Variants in KCNT2 observed in about 807,000 individuals in gnomAD.
KCNT2 encodes potassium sodium-activated channel subfamily T member 2, also known as potassium channel subfamily T member 2.
In KCNT2, 67 loss-of-function variants were observed where a neutral mutation model predicts 153.8. The observed-to-expected ratio is 0.44, with a 90% CI of 0.36 to 0.53. The LOEUF (loss-of-function observed/expected upper bound fraction) is 0.53. Ranked by LOEUF, KCNT2 falls within the 20% of genes least tolerant of loss-of-function variation. The pLI, the probability that KCNT2 is intolerant of heterozygous loss-of-function variation, is 0.00. For synonymous variants in KCNT2, 500 were observed against 458.8 expected (o/e 1.09, Z -1.15); for missense variants, 975 against 1,354.8 (o/e 0.72, Z 4.40).
intron 8 of KCNT2, among the ~76,000 whole-genome samples, chr1:196,434,436 G>T (rs551212583): frequency 6.6e-6 from 1 of 151,834 alleles, no homozygotes; most frequent in South Asian, 2.1e-4. Context: ...TACCAAAAAA[G>T]TCTCCTACTG....
intron 2 of KCNT2, among the ~76,000 whole-genome samples, chr1:196,491,692 G>C (rs1679873690): frequency 1.3e-5 from 2 of 151,908 alleles, no homozygotes; most frequent in Admixed American, 1.3e-4. Flanking sequence ...GTTCTACTTT[G>C]TTACTTTCTT....
chr1:196,479,248 A>G lies in KCNT2; in HGVS notation c.325-10T>C. 2.0e-6 allele frequency: 3 copies of G among 1,519,216 alleles called. No individual in the cohort carries two copies. The highest frequency in any genetic ancestry group is 2.7e-6 in the Non-Finnish European group (3 of 1,101,460). 94.1% of individuals were successfully genotyped at this position (1,519,216 alleles called of 1,614,324 possible). The stretch of plus-strand genomic sequence containing the variant: ...TCAATGCCACTGAAACCTGAAAGAT[A>G]AATTGTAACTTAATGAGAAAACGCA... On this transcript the variant is annotated splice_polypyrimidine_tract_variant and intron_variant, in intron 4 of 27. Transcript: ENST00000294725.
At chr1:196,463,990 T>C (rs2148657832) in intron 8 of KCNT2, among the ~76,000 whole-genome samples, 1 of 151,986 alleles carries the variant, frequency 6.6e-6, no homozygotes, top group South Asian at 2.1e-4. Flanking sequence ...ACTCCCACAT[T>C]ATATTTAGTA....
intron 13 of KCNT2, among the ~76,000 whole-genome samples, chr1:196,387,164 T>C (rs930696224): frequency 1.3e-5 from 2 of 151,984 alleles, no homozygotes; most frequent in Admixed American, 6.6e-5. Context: ...CACAAACCCA[T>C]CTTCTACCTA....
chr1:196,518,062 C>A (rs1652846501), intron 1 of KCNT2, among the ~76,000 whole-genome samples: 1 of 152,118 alleles, frequency 6.6e-6, no homozygotes. Context: ...TAACAGTGGA[C>A]CTCTCTGCAG....
intron 8 of KCNT2, among the ~76,000 whole-genome samples, chr1:196,451,081 A>G (rs1022062889): frequency 6.6e-6 from 1 of 151,672 alleles, no homozygotes; most frequent in Non-Finnish European, 1.5e-5. Context: ...TATTGTCATT[A>G]TCCCTAAGTT....
chr1:196,516,727 G>A (rs1173484316), intron 1 of KCNT2, among the ~76,000 whole-genome samples: 4 of 152,132 alleles, frequency 2.6e-5, no homozygotes, highest in African/African-American at 4.8e-5. Context: ...CAGTGTGTTC[G>A]GGCTGGCAAC....
At chr1:196,455,081 T>A (rs1261819930) in intron 8 of KCNT2, among the ~76,000 whole-genome samples, 1 of 151,988 alleles carries the variant, frequency 6.6e-6, no homozygotes, top group Admixed American at 6.6e-5. Context: ...AAGCTGGAAA[T>A]GGCTGGTCCT....
At chr1:196,581,940 T>C (rs1444601115) in intron 1 of KCNT2, among the ~76,000 whole-genome samples, 1 of 152,064 alleles carries the variant, frequency 6.6e-6, no homozygotes, top group African/African-American at 2.4e-5. Flanking sequence ...TTCAGGAAAA[T>C]TATGTCTTTC....
At chr1:196,317,350 C>A in intron 20 of KCNT2, 1 of 378,794 alleles carries the variant, frequency 2.6e-6, no homozygotes, top group Admixed American at 2.8e-5. Flanking sequence ...ACTATGATGA[C>A]CTTCAAGTTT....
chr1:196,581,913 T>A (rs2148977928), intron 1 of KCNT2, among the ~76,000 whole-genome samples: 1 of 152,246 alleles, frequency 6.6e-6, no homozygotes, highest in Non-Finnish European at 1.5e-5. Flanking sequence ...GCATCACAAA[T>A]GCCTCTATGT....
chr1:196,494,424 G>A (rs1382687188), intron 1 of KCNT2, among the ~76,000 whole-genome samples: 1 of 152,060 alleles, frequency 6.6e-6, no homozygotes, highest in African/African-American at 2.4e-5. Flanking sequence ...TTTGGTGACG[G>A]AGTCTGGCTC....
At chr1:196,428,490 A>C (rs540994574) in intron 9 of KCNT2, among the ~76,000 whole-genome samples, 28 of 152,200 alleles carry the variant, frequency 1.8e-4, no homozygotes, top group African/African-American at 6.7e-4. Flanking sequence ...ACATATTAAC[A>C]TGATTTTGCT....
intron 21 of KCNT2, among the ~76,000 whole-genome samples, chr1:196,313,821 C>A (rs969090277): frequency 2.6e-5 from 4 of 151,440 alleles, no homozygotes; most frequent in Admixed American, 6.6e-5. Context: ...TTGAAAAATT[C>A]TGCTCAAAAC....
At chr1:196,256,325 A>T (rs1656489366) in intron 26 of KCNT2, among the ~76,000 whole-genome samples, 1 of 151,984 alleles carries the variant, frequency 6.6e-6, no homozygotes, top group South Asian at 2.1e-4. Flanking sequence ...CCTGAAATCA[A>T]TCATGAAAAA....
chr1:196,359,749 T>G (rs548454813), intron 14 of KCNT2, among the ~76,000 whole-genome samples: 1 of 151,972 alleles, frequency 6.6e-6, no homozygotes, highest in East Asian at 1.9e-4. Flanking sequence ...GAGATAGAAT[T>G]TTTGATTTAA....
intron 1 of KCNT2, among the ~76,000 whole-genome samples, chr1:196,599,044 A>G (rs924577637): frequency 6.6e-6 from 1 of 152,244 alleles, no homozygotes; most frequent in Admixed American, 6.5e-5. Flanking sequence ...TAATTTGCCA[A>G]TGTAATCACC....
chr1:196,237,314 G>C (rs543118653), intron 26 of KCNT2, among the ~76,000 whole-genome samples: 1 of 151,708 alleles, frequency 6.6e-6, no homozygotes, highest in South Asian at 2.1e-4. Context: ...ATGGAGATGT[G>C]CCCCATTTTT....
intron 19 of KCNT2, among the ~76,000 whole-genome samples, chr1:196,323,456 G>A (rs956898406): frequency 2.8e-4 from 42 of 151,778 alleles, no homozygotes; most frequent in African/African-American, 4.1e-4. Flanking sequence ...TTTAAAATCA[G>A]TATGGCACAA....
Sources: gnomAD v4.1 joint callset for allele counts (sites outside exome capture counted in the v4.1 genomes callset) on GRCh38, gnomAD v4.1.1 for gene constraint, MANE v1.5 for transcripts, NCBI Gene and HGNC (gene_info 2026-07-23, HGNC 2026-07-21) for gene names.